Variants in USP15 observed in about 807,000 individuals in gnomAD.
USP15 encodes ubiquitin carboxyl-terminal hydrolase 15.
A neutral mutation model predicts 127.1 loss-of-function variants in USP15; 18 were observed. The observed-to-expected ratio is 0.14, with a 90% CI of 0.10 to 0.21. The LOEUF (loss-of-function observed/expected upper bound fraction) is 0.21. Among genes scored for constraint, USP15 ranks in the 10% least tolerant of loss-of-function variants. The pLI, the probability that USP15 is intolerant of heterozygous loss-of-function variation, is 1.00. For missense variants in USP15, 805 were observed against 1,159.9 expected, an observed-to-expected ratio of 0.69 and a Z score of 4.44; for synonymous variants, 364 against 393.7, an observed-to-expected ratio of 0.92 and a Z score of 0.89.
At chr12:62,296,111 CAG>C (rs2064120144) in intron 2 of USP15, among the ~76,000 whole-genome samples, 7 of 152,182 alleles carry the variant, frequency 4.6e-5, no homozygotes, top group Admixed American at 4.6e-4. Context: ...CCTCTAGGAA[CAG>C]AGAGTGGCCT....
chr12:62,382,776 G>T (rs779772237), intron 9 of USP15, among the ~76,000 whole-genome samples: 2 of 151,700 alleles, frequency 1.3e-5, no homozygotes, highest in South Asian at 4.1e-4. Context: ...CTCCTTTTGC[G>T]CATAGAAACT....
chr12:62,287,628 A>T (rs1463135007), intron 1 of USP15, among the ~76,000 whole-genome samples: 1 of 152,178 alleles, frequency 6.6e-6, no homozygotes. Flanking sequence ...GATGTTAGTC[A>T]TAAATTCTTT....
intron 6 of USP15, among the ~76,000 whole-genome samples, chr12:62,348,891 T>C (rs2065893813): frequency 6.6e-6 from 1 of 152,166 alleles, no homozygotes; most frequent in Non-Finnish European, 1.5e-5. Flanking sequence ...TTTAATTCCA[T>C]TGACTGATGG....
At chr12:62,310,889 T>A (rs2064655992) in intron 3 of USP15, among the ~76,000 whole-genome samples, 1 of 152,028 alleles carries the variant, frequency 6.6e-6, no homozygotes. Context: ...CGCTAACATC[T>A]GTTGTCTTTT....
In USP15 at chr12:62,407,205, G is replaced by A. The variant is rs2067897658; in HGVS notation, c.*2830G>A. ...TCATTTAATCCCACAACAGCTATGA[G>A]GTAGGGATAGTTGTCATCCCCATTT... On this transcript the variant is annotated 3_prime_UTR_variant, in exon 22 of 22. Transcript: ENST00000280377. The A allele has an allele frequency of 6.6e-6, 1 of 152,130 alleles. No individual in the cohort carries two copies. Among genetic ancestry groups the A allele is most frequent in the African/African-American group, 2.4e-5 (1 of 41,422 alleles). The allele number at this position is 152,130 out of a possible 1,614,324, so 9.4% of individuals were successfully genotyped here. A position where few individuals can be genotyped will look rare whatever the true frequency, so the allele number is the denominator to read the frequency against.
chr12:62,391,053 G>A (rs2067310777), intron 15 of USP15, 74 bp downstream of exon 15: 1 of 1,519,214 alleles, frequency 6.6e-7, no homozygotes, highest in Non-Finnish European at 8.9e-7. Context: ...AAGAAAATGG[G>A]AATTAAAGAA....
At chr12:62,321,313 T>G in intron 4 of USP15, 151 bp from the exon 5 acceptor site, 2 of 479,010 alleles carry the variant, frequency 4.2e-6, no homozygotes, top group Non-Finnish European at 6.9e-6. Context: ...TAAAAACCCT[T>G]TTGTTGGTTT....
At chr12:62,266,348 T>C (rs541831308) in intron 1 of USP15, among the ~76,000 whole-genome samples, 1 of 152,318 alleles carries the variant, frequency 6.6e-6, no homozygotes, top group African/African-American at 2.4e-5. Context: ...GGCTTTCTTC[T>C]TGGACTTAAA....
At chr12:62,385,670 TCA>T (rs1393822184) in intron 11 of USP15, among the ~76,000 whole-genome samples, 2 of 152,106 alleles carry the variant, frequency 1.3e-5, no homozygotes, top group East Asian at 3.9e-4. Context: ...GAATATGTGT[TCA>T]CATTTTTAAA....
chr12:62,262,455 T>A (rs571292266), intron 1 of USP15, among the ~76,000 whole-genome samples: 6 of 152,260 alleles, frequency 3.9e-5, no homozygotes, highest in African/African-American at 1.4e-4. Context: ...AAAATAGAAA[T>A]CTGTAAGTCT....
At chr12:62,377,409 A>G (rs2066863153) in intron 8 of USP15, among the ~76,000 whole-genome samples, 1 of 152,212 alleles carries the variant, frequency 6.6e-6, no homozygotes, top group Non-Finnish European at 1.5e-5. Context: ...ATCAAACTAC[A>G]TTATGACCAA....
intron 11 of USP15, among the ~76,000 whole-genome samples, chr12:62,386,170 T>TTG (rs2067143929): frequency 6.7e-6 from 1 of 150,134 alleles, no homozygotes; most frequent in South Asian, 2.1e-4. Context: ...TGTTTTGTGT[T>TTG]TTTTTTTTTT....
chr12:62,270,617 A>T (rs1280654906), intron 1 of USP15, among the ~76,000 whole-genome samples: 3 of 152,074 alleles, frequency 2.0e-5, no homozygotes, highest in African/African-American at 7.2e-5. Flanking sequence ...TGTCAAAAAG[A>T]TCATTCTTTT....
At chr12:62,301,750 G>A (rs1237080147) in intron 2 of USP15, among the ~76,000 whole-genome samples, 2 of 151,964 alleles carry the variant, frequency 1.3e-5, no homozygotes, top group Non-Finnish European at 2.9e-5. Context: ...GTTTTTTCTC[G>A]CTTCTTGATT....
chr12:62,384,031 A>G (rs754487214), intron 10 of USP15, 33 bp downstream of exon 10: 2 of 1,610,366 alleles, frequency 1.2e-6, no homozygotes, highest in South Asian at 1.1e-5. Context: ...CACCATTGTT[A>G]TAATTTTGTG....
rs1175822105 is a variant in USP15 at position 62,407,591 on chromosome 12, AC to A, written c.*3218del. 6.6e-4 allele frequency: 100 copies of A among 152,326 alleles called. No homozygotes were observed. Among genetic ancestry groups the A allele is most frequent in the African/African-American group, 2.4e-3 (98 of 41,570 alleles). 9.4% of individuals were successfully genotyped at this position (152,326 alleles called of 1,614,324 possible). On this transcript the variant is annotated 3_prime_UTR_variant, in exon 22 of 22. Coordinates refer to ENST00000280377, the MANE Select transcript of USP15 (RefSeq NM_001252078.2). Reference sequence around the variant, plus strand: ...AAAATTAATTTCATTTAATTTATATACCTTTATTACAATTTTAATTAAATGG... The same window carrying A: ...AAAATTAATTTCATTTAATTTATATACTTTATTACAATTTTAATTAAATGG...
Position 62,383,871 on chromosome 12 carries a change from C to G in USP15, c.1121C>G (p.Ser374Cys). 6.2e-7 allele frequency: 1 copy of G among 1,612,754 alleles called. No homozygotes were observed. The highest frequency in any genetic ancestry group is 8.5e-7 in the Non-Finnish European group (1 of 1,179,032). The part of the protein sequence containing the change: ...TQVGRFAPQF[S>C]GYQQQDCQEL... ...GTAGGACGTTTTGCACCTCAGTTCT[C>G]TGGATATCAGCAGCAAGACTGTCAA... Residue 374 changes from serine (S) to cysteine (C), a missense_variant, in exon 10 of 22, where the codon TCT becomes TGT. Physicochemically the swap from Ser to Cys is moderately radical, Grantham distance 112. Around this residue, in one of 11 missense-constraint regions of USP15, gnomAD observed 84 missense variants for 210.3 expected, o/e 0.40. Coordinates refer to ENST00000280377, the MANE Select transcript of USP15 (RefSeq NM_001252078.2).
Position 62,294,457 on chromosome 12 carries a change from T to G in USP15, c.217+151T>G, listed in dbSNP as rs967043934. 3.9e-6 allele frequency: 3 copies of G among 773,896 alleles called. No homozygotes were observed. In the African/African-American group the frequency reaches 5.5e-5, roughly 14 times the overall value. The allele number at this position is 773,896 out of a possible 1,614,324, so 47.9% of individuals were successfully genotyped here. ...CTAATGAACTCATTATTCTAATAAG[T>G]TATTAAAAATTTTATTAGTTATTAT... On this transcript the variant is annotated intron_variant, in intron 2 of 21. Coordinates refer to ENST00000280377, the MANE Select transcript of USP15 (RefSeq NM_001252078.2).
chr12:62,282,841 T>C (rs1267394200), intron 1 of USP15, among the ~76,000 whole-genome samples: 4 of 152,210 alleles, frequency 2.6e-5, no homozygotes, highest in African/African-American at 9.6e-5. Flanking sequence ...ATTTATTAAG[T>C]ACTTTGGGAG....
Sources: allele counts gnomAD v4.1 joint callset (sites outside exome capture counted in the v4.1 genomes callset), GRCh38; gene constraint gnomAD v4.1.1; regional missense constraint gnomAD v4.1.1; transcripts MANE v1.5; gene names NCBI Gene and HGNC (gene_info 2026-07-23, HGNC 2026-07-21).